The following GALNT7 variants were observed in gnomAD, a reference collection of about 807,000 sequenced individuals.
The protein encoded by GALNT7 is N-acetylgalactosaminyltransferase 7.
A neutral mutation model predicts 82.1 loss-of-function variants in GALNT7; 60 were observed. That is an observed-to-expected ratio of 0.73 (90% CI 0.59 to 0.91). GALNT7 has a LOEUF of 0.91. GALNT7 is among the 40% of genes least tolerant of loss of function. The pLI is 0.00. For synonymous variants in GALNT7, 243 were observed against 275.1 expected, an observed-to-expected ratio of 0.88 and a Z score of 1.15; for missense variants, 660 against 804.2, an observed-to-expected ratio of 0.82 and a Z score of 2.17.
intron 1 of GALNT7, among the ~76,000 whole-genome samples, chr4:173,241,110 C>T (rs574858534): frequency 5.6e-4 from 85 of 151,610 alleles, no homozygotes; most frequent in African/African-American, 1.8e-3. Context: ...TAGTTCATCC[C>T]CTGTAATCCT....
chr4:173,304,285 T>G (rs1580007171), intron 8 of GALNT7, among the ~76,000 whole-genome samples, 167 bp downstream of exon 8: 1 of 152,232 alleles, frequency 6.6e-6, no homozygotes, highest in East Asian at 1.9e-4. Flanking sequence ...TATTGTTCTT[T>G]AAGATTATTC....
At chr4:173,187,961 T>G (rs1211622796) in intron 1 of GALNT7, among the ~76,000 whole-genome samples, 1 of 152,208 alleles carries the variant, frequency 6.6e-6, no homozygotes. Flanking sequence ...TGGACTACAC[T>G]TATTTCACTC....
At chr4:173,224,969 T>C (rs1391943718) in intron 1 of GALNT7, among the ~76,000 whole-genome samples, 11 of 151,470 alleles carry the variant, frequency 7.3e-5, no homozygotes, top group Admixed American at 3.9e-4. Flanking sequence ...GAGCCGAAAT[T>C]GTGCCACTGC....
chr4:173,303,923 T>C, intron 7 of GALNT7, 73 bp from the exon 8 acceptor site: 1 of 1,263,064 alleles, frequency 7.9e-7, no homozygotes, highest in Non-Finnish European at 1.1e-6. Context: ...GATTTACACT[T>C]ACAAGATAAA....
intron 2 of GALNT7, among the ~76,000 whole-genome samples, chr4:173,284,831 T>C (rs1736260443): frequency 2.0e-5 from 3 of 152,324 alleles, no homozygotes; most frequent in Admixed American, 2.0e-4. Flanking sequence ...ACCCCAGTTT[T>C]TAATGAAGCC....
At chr4:173,290,695 A>G (rs1736499639) in intron 2 of GALNT7, among the ~76,000 whole-genome samples, 1 of 152,248 alleles carries the variant, frequency 6.6e-6, no homozygotes, top group African/African-American at 2.4e-5. Flanking sequence ...ATTACTTTGT[A>G]ATTCTTAAGA....
At chr4:173,170,220 T>A (rs935364176) in intron 1 of GALNT7, among the ~76,000 whole-genome samples, 8 of 152,102 alleles carry the variant, frequency 5.3e-5, no homozygotes, top group Admixed American at 5.2e-4. Context: ...TAGGAGAGGG[T>A]ATGAGGGGCT....
At chr4:173,187,108 G>A (rs1250061929) in intron 1 of GALNT7, among the ~76,000 whole-genome samples, 2 of 152,042 alleles carry the variant, frequency 1.3e-5, no homozygotes, top group Non-Finnish European at 2.9e-5. Context: ...TATGTTCATT[G>A]TAGAAAATAT....
intron 1 of GALNT7, among the ~76,000 whole-genome samples, chr4:173,190,200 T>C (rs565153035): frequency 6.6e-6 from 1 of 152,236 alleles, no homozygotes; most frequent in South Asian, 2.1e-4. Flanking sequence ...TCCTGGAGAG[T>C]TGCTTTCATC....
At chr4:173,309,765 A>C (rs1233386177) in intron 8 of GALNT7, among the ~76,000 whole-genome samples, 1 of 152,190 alleles carries the variant, frequency 6.6e-6, no homozygotes, top group Non-Finnish European at 1.5e-5. Flanking sequence ...TCATTGGCCA[A>C]ATGAAGCCCC....
At chr4:173,244,490 G>A (rs529365254) in intron 1 of GALNT7, among the ~76,000 whole-genome samples, 1 of 152,260 alleles carries the variant, frequency 6.6e-6, no homozygotes, top group African/African-American at 2.4e-5. Flanking sequence ...AGTTAAGAGT[G>A]TAGATCCTGA....
chr4:173,285,136 C>G (rs181310559), intron 2 of GALNT7, among the ~76,000 whole-genome samples: 1 of 152,314 alleles, frequency 6.6e-6, no homozygotes, highest in Admixed American at 6.5e-5. Flanking sequence ...TAATTTAAGA[C>G]AATCCTTTAT....
At chr4:173,226,804 A>G (rs954759832) in intron 1 of GALNT7, among the ~76,000 whole-genome samples, 1 of 152,172 alleles carries the variant, frequency 6.6e-6, no homozygotes. Context: ...TTTCCATTTA[A>G]ATGAGGTGAG....
At chr4:173,263,174 C>T (rs550015198) in intron 2 of GALNT7, among the ~76,000 whole-genome samples, 30 of 151,474 alleles carry the variant, frequency 2.0e-4, no homozygotes, top group African/African-American at 6.6e-4. Flanking sequence ...GGGGACCCCA[C>T]AAATCTGTGG....
At chr4:173,205,605 C>G (rs1301042857) in intron 1 of GALNT7, among the ~76,000 whole-genome samples, 1 of 152,132 alleles carries the variant, frequency 6.6e-6, no homozygotes, top group African/African-American at 2.4e-5. Context: ...AGTTGCCAGC[C>G]TGGTGCCTCA....
chr4:173,285,056 T>C (rs1391380142), intron 2 of GALNT7, among the ~76,000 whole-genome samples: 3 of 152,212 alleles, frequency 2.0e-5, no homozygotes, highest in African/African-American at 7.2e-5. Flanking sequence ...TTCACACACA[T>C]AGTTTCCTTT....
At chr4:173,178,044 T>G (rs372757624) in intron 1 of GALNT7, among the ~76,000 whole-genome samples, 4 of 109,036 alleles carry the variant, frequency 3.7e-5, no homozygotes, top group Non-Finnish European at 5.5e-5. Flanking sequence ...TGTGTGTGTG[T>G]GTGTGTGTGC....
chr4:173,312,071 A>G (rs1020963034), intron 8 of GALNT7, among the ~76,000 whole-genome samples: 1 of 152,268 alleles, frequency 6.6e-6, no homozygotes, highest in African/African-American at 2.4e-5. Context: ...CTTTCTCACT[A>G]CAATAGCAGA....
chr4:173,250,406 G>T (rs1734805027), intron 2 of GALNT7, among the ~76,000 whole-genome samples: 1 of 152,090 alleles, frequency 6.6e-6, no homozygotes, highest in Non-Finnish European at 1.5e-5. Context: ...GCTTAAAGCA[G>T]GGCACAGGAT....
Sources: gnomAD v4.1 joint callset for allele counts (sites outside exome capture counted in the v4.1 genomes callset) on GRCh38, gnomAD v4.1.1 for gene constraint, MANE v1.5 for transcripts, NCBI Gene and HGNC (gene_info 2026-07-23, HGNC 2026-07-21) for gene names.